Variants in CTBS observed in about 807,000 individuals in gnomAD.
CTBS encodes di-N-acetylchitobiase.
In CTBS, 35 loss-of-function variants were observed where a neutral mutation model predicts 44.3. That is an observed-to-expected ratio of 0.79 (90% confidence interval 0.60 to 1.05). The LOEUF (loss-of-function observed/expected upper bound fraction) is 1.05. CTBS is among the 50% of genes least tolerant of loss of function. The pLI, the probability that CTBS is intolerant of heterozygous loss-of-function variation, is 0.00. For missense variants in CTBS, 458 were observed against 475.3 expected (o/e 0.96, Z 0.34); for synonymous variants, 143 against 168.0 (o/e 0.85, Z 1.15).
chr1:84,573,986 G>A, intron 1 of CTBS: 1 of 1,367,682 alleles, frequency 7.3e-7, no homozygotes. Flanking sequence ...CTTGCCTTAG[G>A]AGGCAGATCT....
intron 6 of CTBS, among the ~76,000 whole-genome samples, chr1:84,562,794 A>G (rs1684618782): frequency 6.6e-6 from 1 of 152,172 alleles, no homozygotes; most frequent in African/African-American, 2.4e-5. Flanking sequence ...TAAATTGAAA[A>G]TGATAGTTTT....
At position 84,565,848 on chromosome 1, in the gene CTBS, T is replaced by C; in HGVS notation, c.690A>G (p.Thr230=). The C allele has an allele frequency of 6.5e-7, 1 of 1,531,812 alleles. No individual in the cohort carries two copies. Among genetic ancestry groups the C allele is most frequent in the Non-Finnish European group, 8.8e-7 (1 of 1,142,110 alleles). 94.9% of individuals were successfully genotyped at this position (1,531,812 alleles called of 1,614,324 possible). A position where few individuals can be genotyped will look rare whatever the true frequency, so the allele number is the denominator to read the frequency against. The part of the protein sequence containing the change: ...IAAANAPYNQ[T]LTGYNDYIKM... Reference sequence around the variant, plus strand: ...CCATGTTTAGAGTCTTACCAGTTAATGTCTGATTATAGGGAGCATTGGCTG... The same window carrying C: ...CCATGTTTAGAGTCTTACCAGTTAACGTCTGATTATAGGGAGCATTGGCTG... Residue 230 remains threonine (T), a synonymous_variant, in exon 4 of 7, where the codon ACA becomes ACG. Coordinates refer to ENST00000370630, the MANE Select transcript of CTBS (RefSeq NM_004388.3).
Position 84,569,829 on chromosome 1 carries a change from C to T in CTBS, c.525+102G>A, listed in dbSNP as rs929184171. 19 of 1,043,968 alleles carry T rather than the reference C, an allele frequency of 1.8e-5. 1 individual carries two copies. The African/African-American group carries it at 2.6e-4, about 14-fold the overall frequency. The allele number at this position is 1,043,968 out of a possible 1,614,324, so 64.7% of individuals were successfully genotyped here. A position where few individuals can be genotyped will look rare whatever the true frequency, so the allele number is the denominator to read the frequency against. On this transcript the variant is annotated intron_variant, in intron 3 of 6. Transcript: ENST00000370630. The stretch of plus-strand genomic sequence containing the variant: ...TAGGAAATAAGTGCTGAAACTCTTT[C>T]CCATTGCATTACTATAAAACAAAGA...
chr1:84,557,335 C>T (rs1398534740), intron 6 of CTBS, among the ~76,000 whole-genome samples: 1 of 151,884 alleles, frequency 6.6e-6, no homozygotes, highest in Non-Finnish European at 1.5e-5. Context: ...GAGTTCAAGA[C>T]CAGCCTGGCC....
intron 6 of CTBS, among the ~76,000 whole-genome samples, chr1:84,562,600 G>A (rs1360334884): frequency 6.6e-6 from 1 of 152,010 alleles, no homozygotes; most frequent in Non-Finnish European, 1.5e-5. Context: ...TTTGAGCTGT[G>A]GAAGAGCCTT....
chr1:84,570,832 G>A (rs1647279966), intron 1 of CTBS, 112 bp from the exon 2 acceptor site: 3 of 1,049,038 alleles, frequency 2.9e-6, no homozygotes, highest in Non-Finnish European at 4.2e-6. Context: ...GGCAGTGAGA[G>A]TACAAGTGCA....
rs1684630268 is a variant in CTBS, at chr1:84,563,377, A to G, written c.837T>C (p.Ala279=). 1.3e-6 allele frequency: 2 copies of G among 1,582,674 alleles called. No homozygotes were observed. The highest frequency in any genetic ancestry group is 4.7e-5 in the East Asian group (2 of 42,980). The part of the protein sequence containing the change: ...CTIAKVPFRG[A]PCSDAAGRQV... Reference sequence around the variant, plus strand: ...GACGTCCTGCAGCGTCACTACAAGGAGCCCCCCGGAAAGGGACTTTTGCAA... The same window carrying G: ...GACGTCCTGCAGCGTCACTACAAGGGGCCCCCCGGAAAGGGACTTTTGCAA... The change falls in exon 6 of 7, where the codon GCT becomes GCC. Residue 279 remains alanine, a synonymous_variant. Transcript: ENST00000370630.
intron 3 of CTBS, among the ~76,000 whole-genome samples, chr1:84,566,848 T>C (rs1164041876): frequency 1.3e-5 from 2 of 152,200 alleles, no homozygotes; most frequent in Non-Finnish European, 2.9e-5. Context: ...TTGCCCAGGC[T>C]GGTCTCAAAC....
intron 1 of CTBS, among the ~76,000 whole-genome samples, chr1:84,573,243 C>T (rs1647369200): frequency 6.6e-6 from 1 of 152,188 alleles, no homozygotes; most frequent in Admixed American, 6.5e-5. Context: ...TCATAGCCAA[C>T]CAAGTAATTA....
In CTBS at chr1:84,553,049, A is replaced by G. The variant is rs1256495543; in HGVS notation, c.*1950T>C. Reference sequence around the variant, plus strand: ...TCTTTTTATAGATGAGAAAACAAGCAGTTTCAGATTTACGAACATTGAAAA... The same window carrying G: ...TCTTTTTATAGATGAGAAAACAAGCGGTTTCAGATTTACGAACATTGAAAA... On this transcript the variant is annotated 3_prime_UTR_variant, in exon 7 of 7. Transcript: ENST00000370630. 2 of 1,525,674 alleles carry G rather than the reference A, an allele frequency of 1.3e-6. No individual in the cohort carries two copies. Among genetic ancestry groups the G allele is most frequent in the Non-Finnish European group, 1.8e-6 (2 of 1,137,540 alleles). The allele number at this position is 1,525,674 out of a possible 1,614,324, so 94.5% of individuals were successfully genotyped here. A position where few individuals can be genotyped will look rare whatever the true frequency, so the allele number is the denominator to read the frequency against.
At chr1:84,569,863 G>T in intron 3 of CTBS, 68 bp downstream of exon 3, 1 of 1,278,330 alleles carries the variant, frequency 7.8e-7, no homozygotes, top group Non-Finnish European at 1.1e-6. Flanking sequence ...GATTATATTA[G>T]TTATACCCTC....
At chr1:84,560,097 A>AAAAGAAAGAAAGAAAG (rs59549626) in intron 6 of CTBS, among the ~76,000 whole-genome samples, 1 of 114,712 alleles carries the variant, frequency 8.7e-6, no homozygotes, top group Non-Finnish European at 1.7e-5. Context: ...AAAAAAAAAA[A>AAAAGAAAGAAAGAAAG]AAAGAAAGAA....
Position 84,555,078 on chromosome 1 carries a change from T to G in CTBS, c.1079A>C (p.Asp360Ala). 6.2e-7 allele frequency: 1 copy of G among 1,614,040 alleles called. No homozygotes were observed. Among genetic ancestry groups the G allele is most frequent in the Non-Finnish European group, 8.5e-7 (1 of 1,179,966 alleles). Reference sequence around the variant, plus strand: ...TTTGGCTACAGCATCTCCAGAGTAGTCAAGACAGTTTGCATTCCACATGCC... The same window carrying G: ...TTTGGCTACAGCATCTCCAGAGTAGGCAAGACAGTTTGCATTCCACATGCC... ...GIGMWNANCL[D>A]YSGDAVAKQQ... The change falls in exon 7 of 7, where the codon GAC becomes GCC. Residue 360 changes from aspartate to alanine, a missense_variant. Coordinates refer to ENST00000370630, the MANE Select transcript of CTBS (RefSeq NM_004388.3).
intron 3 of CTBS, among the ~76,000 whole-genome samples, chr1:84,567,305 C>T (rs1684719726): frequency 6.6e-6 from 1 of 152,146 alleles, no homozygotes; most frequent in Non-Finnish European, 1.5e-5. Context: ...ATCACTGCCT[C>T]TTATTACAAA....
intron 3 of CTBS, among the ~76,000 whole-genome samples, chr1:84,566,376 C>T (rs538001192): frequency 6.6e-6 from 1 of 152,216 alleles, no homozygotes; most frequent in African/African-American, 2.4e-5. Flanking sequence ...AGAGTAAAGG[C>T]ACACTAAAAG....
At chr1:84,566,766 G>C (rs1054274129) in intron 3 of CTBS, among the ~76,000 whole-genome samples, 3 of 152,242 alleles carry the variant, frequency 2.0e-5, no homozygotes, top group African/African-American at 7.2e-5. Context: ...CCACATAGCT[G>C]GGATTACAGG....
rs1684304135 is a variant in CTBS at position 84,552,479 on chromosome 1, C to G, written c.*2520G>C. ...TCACTTACTAGTTTTTTATCTTGAG[C>G]AAGTTACTTAGCCTCTAAAGGTCTC... On this transcript the variant is annotated 3_prime_UTR_variant, in exon 7 of 7. Transcript: ENST00000370630. 6.6e-6 allele frequency: 1 copy of G among 151,878 alleles called. No individual in the cohort carries two copies. Among genetic ancestry groups the G allele is most frequent in the Non-Finnish European group, 1.5e-5 (1 of 67,994 alleles). 9.4% of individuals were successfully genotyped at this position (151,878 alleles called of 1,614,324 possible).
chr1:84,557,533 CAA>C (rs56101174), intron 6 of CTBS, among the ~76,000 whole-genome samples: 71 of 55,422 alleles, frequency 1.3e-3, no homozygotes, highest in South Asian at 0.012. Context: ...AACTCCATCT[CAA>C]AAAAAAAAAA....
rs772480303 is a variant in CTBS at position 84,565,890 on chromosome 1, C to A, written c.648G>T (p.Trp216Cys). 5.7e-6 allele frequency: 9 copies of A among 1,587,990 alleles called. No individual in the cohort carries two copies. In the Middle Eastern group the frequency reaches 5.0e-4, roughly 88 times the overall value. ...VMSYDEQSQI[W>C]SECIAAANAP... Reference sequence around the variant, plus strand: ...CATTGGCTGCTGCAATACATTCTGACCAGATCTGACTTTGTTCATCATAAG... The same window carrying A: ...CATTGGCTGCTGCAATACATTCTGAACAGATCTGACTTTGTTCATCATAAG... The change falls in exon 4 of 7, where the codon TGG becomes TGT. Residue 216 changes from tryptophan (W) to cysteine (C), a missense_variant. Coordinates refer to ENST00000370630, the MANE Select transcript of CTBS (RefSeq NM_004388.3).
Sources: allele counts gnomAD v4.1 joint callset (sites outside exome capture counted in the v4.1 genomes callset), GRCh38; gene constraint gnomAD v4.1.1; transcripts MANE v1.5; gene names NCBI Gene and HGNC (gene_info 2026-07-23, HGNC 2026-07-21).